Variants in PARM1 observed in about 807,000 individuals in gnomAD.
PARM1 encodes the protein WSC4, cell wall integrity and stress response component 4 homolog.
In PARM1, 14 loss-of-function variants were observed where a neutral mutation model predicts 24.6. That is an observed-to-expected ratio of 0.57 (90% confidence interval 0.38 to 0.89). The LOEUF is 0.89. Among genes scored for constraint, PARM1 ranks in the 40% least tolerant of loss-of-function variants. PARM1 has a pLI of 0.00. For synonymous variants in PARM1, 179 were observed against 156.6 expected (o/e 1.14, Z -1.07); for missense variants, 362 against 380.4 (o/e 0.95, Z 0.40).
chr4:74,956,104 A>G (rs557560235), intron 1 of PARM1: 5 of 152,238 alleles, frequency 3.3e-5, no homozygotes, highest in Non-Finnish European at 7.3e-5. Context: ...TCTTTTACAG[A>G]GCTTTCAGGT....
chr4:74,978,508 A>G (rs1722180765), intron 1 of PARM1, among the ~76,000 whole-genome samples: 1 of 152,226 alleles, frequency 6.6e-6, no homozygotes, highest in African/African-American at 2.4e-5. Context: ...CACACATAAT[A>G]GTGGGAGAGT....
rs568598154 is a variant in PARM1, at chr4:74,961,510, A to G, written c.43+28140A>G. ...AAAGAGACCCACACCAAAGCACATT[A>G]TAATCAGACTGTTGAAAGCCAAAGA... On this transcript the variant is annotated intron_variant, in intron 1 of 3. Coordinates refer to ENST00000307428, the MANE Select transcript of PARM1 (RefSeq NM_015393.4). Among the ~76,000 whole-genome samples, 32 of 152,354 alleles carry G rather than the reference A, an allele frequency of 2.1e-4. No individual in the cohort carries two copies. The South Asian group carries it at 6.6e-3, about 32-fold the overall frequency.
intron 1 of PARM1, among the ~76,000 whole-genome samples, chr4:74,975,012 A>T (rs2109767941): frequency 6.6e-6 from 1 of 152,324 alleles, no homozygotes; most frequent in East Asian, 1.9e-4. Flanking sequence ...TAAGCCACAC[A>T]GTCTGTGGCA....
chr4:75,003,539 A>C (rs564817545), intron 1 of PARM1, among the ~76,000 whole-genome samples: 4 of 152,298 alleles, frequency 2.6e-5, no homozygotes, highest in Admixed American at 2.0e-4. Context: ...GGATTGAATT[A>C]TGTCTCATTT....
At chr4:74,958,900 A>T (rs1721703753) in intron 1 of PARM1, among the ~76,000 whole-genome samples, 1 of 152,234 alleles carries the variant, frequency 6.6e-6, no homozygotes, top group Non-Finnish European at 1.5e-5. Flanking sequence ...CAATTTTATG[A>T]TAAAATCAAT....
At chr4:75,035,749 A>G (rs936860503) in intron 3 of PARM1, among the ~76,000 whole-genome samples, 1 of 152,180 alleles carries the variant, frequency 6.6e-6, no homozygotes, top group Non-Finnish European at 1.5e-5. Context: ...GATACAAAGA[A>G]CAGGAAAGCC....
At chr4:74,942,231 C>T (rs1227439339) in intron 1 of PARM1, among the ~76,000 whole-genome samples, 1 of 152,126 alleles carries the variant, frequency 6.6e-6, no homozygotes, top group East Asian at 1.9e-4. Flanking sequence ...TGTTGTATCC[C>T]CAGCACGTAG....
rs567853560 is a variant in PARM1, at chr4:75,019,730, G to A, written c.769+6580G>A. Among the ~76,000 whole-genome samples the A allele has an allele frequency of 1.4e-4, 21 of 152,142 alleles. No homozygotes were observed. The East Asian group carries it at 1.5e-3, about 11-fold the overall frequency. ...TATACCTAGAAAATTTCGCCCGGGC[G>A]CGGTGGCTCACGCCTGTAATCCCAG... On this transcript the variant is annotated intron_variant, in intron 2 of 3. Coordinates refer to ENST00000307428, the MANE Select transcript of PARM1 (RefSeq NM_015393.4).
At chr4:75,005,669 G>A (rs1400085465) in intron 1 of PARM1, among the ~76,000 whole-genome samples, 1 of 152,224 alleles carries the variant, frequency 6.6e-6, no homozygotes, top group African/African-American at 2.4e-5. Flanking sequence ...TCAAATGGAT[G>A]TAAACTATAA....
Position 74,936,438 on chromosome 4 carries a change from G to GT in PARM1, c.43+3078dup, listed in dbSNP as rs33956924. Among the ~76,000 whole-genome samples, 188 of 31,848 alleles carry GT rather than the reference G, an allele frequency of 5.9e-3. 2 individuals are homozygous for GT. Among genetic ancestry groups the GT allele is most frequent in the African/African-American group, 0.018 (179 of 9,702 alleles). The allele number at this position is 31,848 out of a possible 152,430, so 20.9% of individuals were successfully genotyped here. On this transcript the variant is annotated intron_variant, in intron 1 of 3. Coordinates refer to ENST00000307428, the MANE Select transcript of PARM1 (RefSeq NM_015393.4). ...GCCACCATGGTTGTTACATTCAAGTGTTTTTTTTTTGTTTGTTTTTTTGTT... is the reference window on the plus strand; with the variant it reads ...GCCACCATGGTTGTTACATTCAAGTGTTTTTTTTTTTGTTTGTTTTTTTGTT...
In PARM1 at chr4:75,012,908, A is replaced by G. The variant is rs759465088; in HGVS notation, c.527A>G (p.Asn176Ser). The change falls in exon 2 of 4, where the codon AAC becomes AGC. Residue 176 changes from asparagine (N) to serine (S), a missense_variant. Transcript: ENST00000307428. ...PEVFSASVTT[N>S]HSSTVTSTQP... ...GTCTTTTCTGCCTCCGTTACTACCAACCATAGCTCCACTGTGACCAGCACC... is the reference window on the plus strand; with the variant it reads ...GTCTTTTCTGCCTCCGTTACTACCAGCCATAGCTCCACTGTGACCAGCACC... 1.1e-5 allele frequency: 17 copies of G among 1,613,686 alleles called. No homozygotes were observed. Among genetic ancestry groups the G allele is most frequent in the Non-Finnish European group, 1.4e-5 (17 of 1,179,876 alleles).
intron 1 of PARM1, among the ~76,000 whole-genome samples, chr4:75,006,316 C>G (rs545489450): frequency 6.7e-6 from 1 of 148,272 alleles, no homozygotes; most frequent in East Asian, 2.0e-4. Flanking sequence ...CGGCAGGCCC[C>G]GGTGTGTGAT....
intron 1 of PARM1, among the ~76,000 whole-genome samples, chr4:74,942,930 G>A (rs1487808309): frequency 6.6e-6 from 1 of 152,106 alleles, no homozygotes; most frequent in Non-Finnish European, 1.5e-5. Context: ...CCGTGAGCTG[G>A]GGCCTCGTTG....
At chr4:74,988,895 A>T (rs1722409195) in intron 1 of PARM1, among the ~76,000 whole-genome samples, 1 of 152,190 alleles carries the variant, frequency 6.6e-6, no homozygotes, top group Non-Finnish European at 1.5e-5. Flanking sequence ...AATGATTAAG[A>T]TTACAAAGGT....
intron 1 of PARM1, among the ~76,000 whole-genome samples, chr4:74,963,493 T>A (rs1195029674): frequency 6.6e-6 from 1 of 152,198 alleles, no homozygotes; most frequent in Non-Finnish European, 1.5e-5. Context: ...ATAGTTCTGA[T>A]CCATGCTGTA....
intron 1 of PARM1, among the ~76,000 whole-genome samples, chr4:75,007,144 T>C (rs1286702233): frequency 1.3e-5 from 2 of 152,114 alleles, no homozygotes; most frequent in Non-Finnish European, 2.9e-5. Flanking sequence ...TCACTGGCCA[T>C]GAGAGAAATG....
intron 1 of PARM1, among the ~76,000 whole-genome samples, chr4:74,976,629 C>A (rs1308659442): frequency 1.3e-5 from 2 of 152,220 alleles, no homozygotes; most frequent in Non-Finnish European, 2.9e-5. Context: ...GGTCACTGAT[C>A]TGGTGCCTCC....
At chr4:74,981,419 C>T (rs564334486) in intron 1 of PARM1, among the ~76,000 whole-genome samples, 5 of 152,168 alleles carry the variant, frequency 3.3e-5, no homozygotes, top group South Asian at 4.2e-4. Context: ...AAATCAAAAC[C>T]GCAATGAGAT....
At chr4:74,961,749 AG>A (rs1721778909) in intron 1 of PARM1, among the ~76,000 whole-genome samples, 1 of 152,220 alleles carries the variant, frequency 6.6e-6, no homozygotes, top group African/African-American at 2.4e-5. Context: ...GGAGAAATTA[AG>A]ACATTTCCTG....
Sources: allele counts gnomAD v4.1 joint callset (sites outside exome capture counted in the v4.1 genomes callset), GRCh38; gene constraint gnomAD v4.1.1; transcripts MANE v1.5; gene names NCBI Gene and HGNC (gene_info 2026-07-23, HGNC 2026-07-21).